SLC2A14: variants seen among roughly 807,000 people sequenced by gnomAD.
SLC2A14 encodes solute carrier family 2, facilitated glucose transporter member 14.
SLC2A14 carries 13 observed loss-of-function variants against 43.0 expected under a neutral mutation model. That is an observed-to-expected ratio of 0.30 (90% confidence interval 0.20 to 0.48). The LOEUF is 0.48. Among genes scored for constraint, SLC2A14 ranks in the 20% least tolerant of loss-of-function variants. The pLI, the probability that SLC2A14 is intolerant of heterozygous loss-of-function variation, is 0.99. For missense variants in SLC2A14, 428 were observed against 620.4 expected (o/e 0.69, Z 3.29); for synonymous variants, 190 against 233.8 (o/e 0.81, Z 1.71).
intron 1 of SLC2A14, among the ~76,000 whole-genome samples, chr12:7,882,606 G>C (rs1028544047): frequency 1.3e-5 from 2 of 152,070 alleles, no homozygotes; most frequent in Admixed American, 6.6e-5. Flanking sequence ...GCTGAGGCAG[G>C]CACGTGGATC....
intron 10 of SLC2A14, among the ~76,000 whole-genome samples, chr12:7,816,016 T>C (rs1054920067): frequency 9.2e-5 from 14 of 152,078 alleles, no homozygotes; most frequent in African/African-American, 3.4e-4. Flanking sequence ...TTCTCCTGCC[T>C]CAGCCTCCCA....
At chr12:7,865,959 G>A (rs1300317004) in intron 2 of SLC2A14, among the ~76,000 whole-genome samples, 1 of 152,122 alleles carries the variant, frequency 6.6e-6, no homozygotes. Flanking sequence ...GCTCACGCCT[G>A]TAATCCCAAC....
At chr12:7,882,696 G>C (rs1168555181) in intron 1 of SLC2A14, among the ~76,000 whole-genome samples, 1 of 151,974 alleles carries the variant, frequency 6.6e-6, no homozygotes, top group African/African-American at 2.4e-5. Context: ...AGTTAGTCCA[G>C]CATAGTGGCG....
upstream of SLC2A14, among the ~76,000 whole-genome samples, chr12:7,873,782 A>G (rs777219634): frequency 6.6e-6 from 1 of 152,098 alleles, no homozygotes; most frequent in Non-Finnish European, 1.5e-5. Flanking sequence ...CTTTGGAGTA[A>G]TAAAGATCAT....
At chr12:7,877,935 G>A (rs932883209), upstream of SLC2A14, among the ~76,000 whole-genome samples, 7 of 152,102 alleles carry the variant, frequency 4.6e-5, no homozygotes, top group Admixed American at 3.3e-4. Flanking sequence ...TAGAGAAGGG[G>A]CTTCACTATG....
intron 2 of SLC2A14, among the ~76,000 whole-genome samples, chr12:7,835,797 T>C (rs774338032): frequency 1.3e-5 from 2 of 152,360 alleles, no homozygotes; most frequent in East Asian, 1.9e-4. Flanking sequence ...GCATCTGTAA[T>C]AGTCCTCATA....
At chr12:7,841,934 G>A (rs1172101138) in intron 2 of SLC2A14, among the ~76,000 whole-genome samples, 1 of 151,802 alleles carries the variant, frequency 6.6e-6, no homozygotes, top group Non-Finnish European at 1.5e-5. Context: ...GAACCCAGGA[G>A]GCAGAGGTTA....
intron 7 of SLC2A14, among the ~76,000 whole-genome samples, chr12:7,826,536 A>G (rs1864369574): frequency 6.6e-6 from 1 of 152,192 alleles, no homozygotes. Context: ...TTGATCAAAG[A>G]CTAATGGAAA....
At chr12:7,862,469 C>A (rs769851607) in intron 2 of SLC2A14, among the ~76,000 whole-genome samples, 1 of 152,068 alleles carries the variant, frequency 6.6e-6, no homozygotes. Flanking sequence ...AGCCTTCCCA[C>A]CCCCTCTGTG....
At chr12:7,848,219 G>A (rs1386581701) in intron 2 of SLC2A14, among the ~76,000 whole-genome samples, 2 of 151,950 alleles carry the variant, frequency 1.3e-5, no homozygotes, top group Non-Finnish European at 2.9e-5. Flanking sequence ...CTTCCTTATT[G>A]TTTTCCACTT....
chr12:7,889,960 G>A lies in SLC2A14; in HGVS notation c.132+1036C>T, dbSNP rs963427556. 2.0e-5 allele frequency among the ~76,000 whole-genome samples: 3 copies of A among 152,070 alleles called. No individual in the cohort carries two copies. In the East Asian group the frequency reaches 5.8e-4, roughly 29 times the overall value. ...CTTGGCATTCCTAAACTGTCATGGC[G>A]CTGATGGGAGTGTAGCAGTGAGGAC... On this transcript the variant is annotated intron_variant, in intron 1 of 9. Coordinates refer to the SLC2A14 transcript ENST00000539924.
chr12:7,870,785 A>C, intron 1 of SLC2A14: 1 of 920,690 alleles, frequency 1.1e-6, no homozygotes, highest in Non-Finnish European at 1.4e-6. Flanking sequence ...CTTTTCAAAA[A>C]AAGTAAAGTA....
chr12:7,860,733 T>C (rs1030048094), intron 2 of SLC2A14: 1 of 152,880 alleles, frequency 6.5e-6, no homozygotes, highest in Non-Finnish European at 1.5e-5. Context: ...GTTAAACAGA[T>C]TGTTTCCATC....
chr12:7,864,634 G>A (rs770597757), intron 2 of SLC2A14, among the ~76,000 whole-genome samples: 8 of 152,180 alleles, frequency 5.3e-5, no homozygotes, highest in Non-Finnish European at 7.4e-5. Flanking sequence ...CACCGTGCCC[G>A]GCTGAGCTTT....
At chr12:7,830,400 C>T (rs1036308646) in intron 4 of SLC2A14, among the ~76,000 whole-genome samples, 1 of 152,170 alleles carries the variant, frequency 6.6e-6, no homozygotes, top group African/African-American at 2.4e-5. Flanking sequence ...ATCCACCCAC[C>T]TCGGCCTCCC....
upstream of SLC2A14, among the ~76,000 whole-genome samples, chr12:7,878,432 T>A (rs1486065820): frequency 6.6e-6 from 1 of 151,966 alleles, no homozygotes; most frequent in East Asian, 1.9e-4. Flanking sequence ...CGAATTTTTG[T>A]ATTTTTAGTA....
chr12:7,823,265 C>T (rs1415652312), intron 7 of SLC2A14, among the ~76,000 whole-genome samples: 1 of 151,916 alleles, frequency 6.6e-6, no homozygotes, highest in Non-Finnish European at 1.5e-5. Flanking sequence ...TACCTATAAT[C>T]CCAGCTGCTT....
Position 7,814,150 on chromosome 12 carries a change from G to A in SLC2A14, c.*166C>T, listed in dbSNP as rs1447536163. The A allele has an allele frequency of 1.5e-6, 2 of 1,303,620 alleles. No homozygotes were observed. Among genetic ancestry groups the A allele is most frequent in the African/African-American group, 3.0e-5 (2 of 67,190 alleles). 80.8% of individuals were successfully genotyped at this position (1,303,620 alleles called of 1,614,324 possible). ...AAATAAAATTTAAAAAGCCATTGAA[G>A]ATCCAACAAACTGCAGCCTTGGGGT... On this transcript the variant is annotated 3_prime_UTR_variant, in exon 11 of 11. Transcript: ENST00000431042.
intron 2 of SLC2A14, among the ~76,000 whole-genome samples, chr12:7,857,582 C>T (rs1944323265): frequency 6.6e-6 from 1 of 151,830 alleles, no homozygotes; most frequent in Non-Finnish European, 1.5e-5. Context: ...GAGTGAAACT[C>T]CATCTCAAAA....
Sources: allele counts gnomAD v4.1 joint callset (sites outside exome capture counted in the v4.1 genomes callset), GRCh38; gene constraint gnomAD v4.1.1; transcripts MANE v1.5; gene names NCBI Gene and HGNC (gene_info 2026-07-23, HGNC 2026-07-21).